CFAP251: variants seen among roughly 807,000 people sequenced by gnomAD.
The protein encoded by CFAP251 is cilia and flagella associated protein 251, also known as cilia- and flagella-associated protein 251.
A neutral mutation model predicts 126.7 loss-of-function variants in CFAP251; 93 were observed. That is an observed-to-expected ratio of 0.73 (90% CI 0.62 to 0.87). The LOEUF (loss-of-function observed/expected upper bound fraction) is 0.87, where lower values mean the gene tolerates loss of function less well. Ranked by LOEUF, CFAP251 falls within the 40% of genes least tolerant of loss-of-function variation. The pLI is 0.00. For missense variants in CFAP251, 1,287 were observed against 1,389.2 expected, an observed-to-expected ratio of 0.93 and a Z score of 1.17; for synonymous variants, 503 against 506.9, an observed-to-expected ratio of 0.99 and a Z score of 0.10.
intron 7 of CFAP251, among the ~76,000 whole-genome samples, chr12:121,946,507 C>T (rs942626390): frequency 1.3e-4 from 20 of 152,148 alleles, no homozygotes; most frequent in African/African-American, 4.6e-4. Context: ...AGCTGTCGAT[C>T]CCTATTTTGA....
intron 17 of CFAP251, among the ~76,000 whole-genome samples, chr12:121,968,395 C>G (rs1882222618): frequency 6.6e-6 from 1 of 152,198 alleles, no homozygotes; most frequent in Non-Finnish European, 1.5e-5. Flanking sequence ...GTGACAGCAC[C>G]TTGGGCTCAC....
At position 121,993,106 on chromosome 12, in the gene CFAP251, T is replaced by A. The variant is rs1196393074; in HGVS notation, c.3007-6610T>A. On this transcript the variant is annotated intron_variant, in intron 19 of 21. Transcript: ENST00000288912. ...GATTCTCCTGCCTCAGCCTGCCGAG[T>A]GCCTGCGATTGCAGGCACGCGCCGC... Among the ~76,000 whole-genome samples, 7 of 140,130 alleles carry A rather than the reference T, an allele frequency of 5.0e-5. No individual in the cohort carries two copies. The East Asian group carries it at 1.7e-3, about 34-fold the overall frequency. 91.9% of individuals were successfully genotyped at this position (140,130 alleles called of 152,430 possible).
At chr12:121,981,100 A>G (rs772714869) in intron 19 of CFAP251, among the ~76,000 whole-genome samples, 12 of 152,154 alleles carry the variant, frequency 7.9e-5, no homozygotes, top group Non-Finnish European at 1.6e-4. Flanking sequence ...AGGCGATGGG[A>G]TCGCCCCTCA....
chr12:121,953,947 G>A (rs1261361211), intron 9 of CFAP251, 173 bp from the exon 10 acceptor site: 24 of 647,688 alleles, frequency 3.7e-5, no homozygotes, highest in Non-Finnish European at 6.0e-5. Flanking sequence ...ACTTCCAGAG[G>A]TTCAGAACTG....
chr12:121,931,563 T>G (rs1015303976), intron 3 of CFAP251, among the ~76,000 whole-genome samples, 183 bp from the exon 4 acceptor site: 3 of 152,214 alleles, frequency 2.0e-5, no homozygotes, highest in Admixed American at 6.5e-5. Context: ...TCCACCCGCC[T>G]CAGCCTCCCA....
In CFAP251 at chr12:121,989,559, C is replaced by T. The variant is rs775803385; in HGVS notation, c.3007-10157C>T. ...ATGCAGTGACGCTGCCCAGCCCTTA[C>T]GCCCCCTCCTCAGCCCACTACTCCC... is the stretch of plus-strand genomic sequence containing the variant. On this transcript the variant is annotated intron_variant, in intron 19 of 21. Transcript: ENST00000288912. This position sits in a 1 kb window ranked among gnomAD's most constrained non-coding sequence, Gnocchi z 4.2. Among the ~76,000 whole-genome samples, 2 of 152,202 alleles carry T rather than the reference C, an allele frequency of 1.3e-5. No individual in the cohort carries two copies. The highest frequency in any genetic ancestry group is 2.4e-5 in the African/African-American group (1 of 41,456).
intron 19 of CFAP251, among the ~76,000 whole-genome samples, chr12:121,981,497 C>G (rs1352564938): frequency 6.6e-6 from 1 of 152,124 alleles, no homozygotes; most frequent in African/African-American, 2.4e-5. Context: ...ATTCTCAGCT[C>G]CCGTTTGGTC....
chr12:121,934,666 C>T (rs920193553), intron 5 of CFAP251, among the ~76,000 whole-genome samples: 5 of 152,212 alleles, frequency 3.3e-5, no homozygotes, highest in African/African-American at 1.2e-4. Flanking sequence ...ATCGCTGCTC[C>T]TCATTCCATA....
chr12:121,986,599 G>A (rs546673787), intron 19 of CFAP251, among the ~76,000 whole-genome samples: 27 of 150,452 alleles, frequency 1.8e-4, no homozygotes, highest in African/African-American at 2.9e-4. Context: ...GCGCCCAGCC[G>A]AATTTTTTTT....
intron 15 of CFAP251, among the ~76,000 whole-genome samples, chr12:121,966,427 A>ATT (rs1159106051): frequency 0.5 from 27,249 of 54,664 alleles, 10,734 homozygotes; most frequent in Non-Finnish European, 0.77. Flanking sequence ...TGCCTGGCTA[A>ATT]TTTTTTTTTT....
In CFAP251 at chr12:121,965,591, A is replaced by G. The variant is rs544569393; in HGVS notation, c.2493-1364A>G. Among the ~76,000 whole-genome samples, 6 of 152,342 alleles carry G rather than the reference A, an allele frequency of 3.9e-5. No homozygotes were observed. In the East Asian group the frequency reaches 1.2e-3, roughly 29 times the overall value. On this transcript the variant is annotated intron_variant, in intron 15 of 21. Transcript: ENST00000288912. ...ACGATGCTGCTTTTAGAAAAGAAAA[A>G]AAAAGGAAGAGTAAGACAGCTCTCT...
At chr12:121,980,798 G>T (rs991613318) in intron 19 of CFAP251, among the ~76,000 whole-genome samples, 1 of 152,248 alleles carries the variant, frequency 6.6e-6, no homozygotes, top group Non-Finnish European at 1.5e-5. Flanking sequence ...TCCTCTGGGT[G>T]ATTGGTTGGC....
At chr12:121,992,220 C>T (rs915326472) in intron 19 of CFAP251, 30 of 985,346 alleles carry the variant, frequency 3.0e-5, no homozygotes, top group Non-Finnish European at 3.6e-5. Flanking sequence ...CTATTTCCAG[C>T]TCCGAGGTTC....
At chr12:121,952,671 C>T (rs958478387) in intron 9 of CFAP251, 2 of 152,100 alleles carry the variant, frequency 1.3e-5, no homozygotes, top group Non-Finnish European at 2.9e-5. Context: ...ATGTAACCTG[C>T]TCTCAGGGAG....
At chr12:121,967,718 A>G (rs1882195827) in intron 16 of CFAP251, among the ~76,000 whole-genome samples, 1 of 152,120 alleles carries the variant, frequency 6.6e-6, no homozygotes, top group African/African-American at 2.4e-5. Context: ...GAAAAGTGTA[A>G]AGTCATAGGT....
At chr12:121,959,130 A>G in intron 13 of CFAP251, 36 bp downstream of exon 13, 1 of 1,543,094 alleles carries the variant, frequency 6.5e-7, no homozygotes, top group Non-Finnish European at 8.7e-7. Context: ...CCAGTGGCTT[A>G]GCAATTTTAT....
At chr12:121,936,533 G>GC (rs1880901578) in intron 5 of CFAP251, among the ~76,000 whole-genome samples, 1 of 143,160 alleles carries the variant, frequency 7.0e-6, no homozygotes, top group African/African-American at 3.0e-5. Context: ...TGCTGGGCAA[G>GC]ATGATGCCTA....
At chr12:121,946,831 A>G (rs1252644897) in intron 7 of CFAP251, among the ~76,000 whole-genome samples, 1 of 151,726 alleles carries the variant, frequency 6.6e-6, no homozygotes, top group Admixed American at 6.6e-5. Flanking sequence ...TTCCCACCTC[A>G]GTCTCCCAAG....
At chr12:121,931,073 G>T (rs1287040686) in intron 3 of CFAP251, among the ~76,000 whole-genome samples, 1 of 151,800 alleles carries the variant, frequency 6.6e-6, no homozygotes, top group Admixed American at 6.6e-5. Flanking sequence ...ATAAAGTTAC[G>T]TAATGACTTC....
Sources: allele counts gnomAD v4.1 joint callset (sites outside exome capture counted in the v4.1 genomes callset), GRCh38; gene constraint gnomAD v4.1.1; non-coding constraint Gnocchi (gnomAD v3.1); transcripts MANE v1.5; gene names NCBI Gene and HGNC (gene_info 2026-07-23, HGNC 2026-07-21).